PLEKHG3: variants seen among roughly 807,000 people sequenced by gnomAD.
The protein encoded by PLEKHG3 is pleckstrin homology domain-containing family G member 3.
In PLEKHG3, 62 loss-of-function variants were observed where a neutral mutation model predicts 94.9. The observed-to-expected ratio is 0.65, with a 90% CI of 0.53 to 0.81. The LOEUF is 0.81. Among genes scored for constraint, PLEKHG3 ranks in the 30% least tolerant of loss-of-function variants. The probability of loss-of-function intolerance (pLI) is 0.00; values close to 1 mark genes in which losing one functional copy is unlikely to be tolerated. For synonymous variants in PLEKHG3, 614 were observed against 654.0 expected, an observed-to-expected ratio of 0.94 and a Z score of 0.93; for missense variants, 1,461 against 1,619.3, an observed-to-expected ratio of 0.90 and a Z score of 1.68.
Position 64,715,640 on chromosome 14 carries a change from ATTG to A in PLEKHG3, c.-40+10941_-40+10943del, listed in dbSNP as rs934777429. On this transcript the variant is annotated intron_variant, in intron 1 of 16. Coordinates refer to ENST00000247226, the MANE Select transcript of PLEKHG3 (RefSeq NM_001308147.2). This position sits in a 1 kb window ranked among gnomAD's most constrained non-coding sequence, Gnocchi z 4.4. Reference sequence around the variant, plus strand: ...GGGGGAGGTGCTGCATAAACAGAGCATTGTTGTGCTGGTGAATGATCTGGCTTT... The same window carrying A: ...GGGGGAGGTGCTGCATAAACAGAGCATTGTGCTGGTGAATGATCTGGCTTT... The A allele has an allele frequency of 1.4e-4, 28 of 196,854 alleles. No homozygotes were observed. The highest frequency in any genetic ancestry group is 3.2e-5 in the Non-Finnish European group (3 of 94,000). 12.2% of individuals were successfully genotyped at this position (196,854 alleles called of 1,614,324 possible). A position where few individuals can be genotyped will look rare whatever the true frequency, so the allele number is the denominator to read the frequency against.
At chr14:64,705,969 A>G (rs8011344) in intron 1 of PLEKHG3, among the ~76,000 whole-genome samples, 4,296 of 152,264 alleles carry the variant, frequency 0.028, 195 homozygotes, top group African/African-American at 0.096. Flanking sequence ...CCTGGAAGAT[A>G]GGACAACCCA....
intron 1 of PLEKHG3, among the ~76,000 whole-genome samples, chr14:64,711,267 C>T (rs2081062343): frequency 1.3e-5 from 2 of 152,162 alleles, no homozygotes; most frequent in South Asian, 4.1e-4. Flanking sequence ...TTTTTGGATG[C>T]CCTCTCTCTA....
At chr14:64,708,442 A>T (rs761019431) in intron 1 of PLEKHG3, among the ~76,000 whole-genome samples, 2 of 152,088 alleles carry the variant, frequency 1.3e-5, no homozygotes, top group Non-Finnish European at 2.9e-5. Flanking sequence ...GGGAGGGGGC[A>T]GATGGTGGGT....
rs550151818 is a variant in PLEKHG3 at position 64,717,403 on chromosome 14, C to T, written c.-39-10190C>T. ...TAGGGAATTGCCCTGGCAGCCTTGC[C>T]TCCAAGCCACCATTCTGATGGGCTT... is the stretch of plus-strand genomic sequence containing the variant. On this transcript the variant is annotated intron_variant, in intron 1 of 16. Coordinates refer to ENST00000247226, the MANE Select transcript of PLEKHG3 (RefSeq NM_001308147.2). The surrounding 1 kb of genome is among the most constrained non-coding windows in gnomAD (Gnocchi z 4.7). Among the ~76,000 whole-genome samples the T allele has an allele frequency of 6.6e-6, 1 of 152,270 alleles. No homozygotes were observed. The highest frequency in any genetic ancestry group is 2.4e-5 in the African/African-American group (1 of 41,546).
At position 64,721,125 on chromosome 14, in the gene PLEKHG3, T is replaced by C. The variant is rs2081255552; in HGVS notation, c.-39-6468T>C. ...CATAGGTTGAGGGTCAGGCTGTAGA[T>C]ATCCTTGGGTGGGGGCATTATTCAG... On this transcript the variant is annotated intron_variant, in intron 1 of 16. Transcript: ENST00000247226. The surrounding 1 kb of genome is among the most constrained non-coding windows in gnomAD (Gnocchi z 4.3). Among the ~76,000 whole-genome samples the C allele has an allele frequency of 6.6e-6, 1 of 152,232 alleles. No individual in the cohort carries two copies. Among genetic ancestry groups the C allele is most frequent in the African/African-American group, 2.4e-5 (1 of 41,448 alleles).
chr14:64,737,477 A>G, intron 14 of PLEKHG3, 102 bp downstream of exon 14: 1 of 758,962 alleles, frequency 1.3e-6, no homozygotes, highest in South Asian at 1.9e-5. Context: ...TTCATTCAAC[A>G]AATGCCTACT....
rs933506564 is a variant in PLEKHG3, at chr14:64,721,317, C to A, written c.-39-6276C>A. Among the ~76,000 whole-genome samples the A allele has an allele frequency of 1.3e-5, 2 of 152,030 alleles. No homozygotes were observed. Among genetic ancestry groups the A allele is most frequent in the Non-Finnish European group, 2.9e-5 (2 of 67,992 alleles). ...CAGGGGGGTGTAGATGAACAGCCCTCCCTCTGAGCTAGGTGCCTGGCTTTC... is the reference window on the plus strand; with the variant it reads ...CAGGGGGGTGTAGATGAACAGCCCTACCTCTGAGCTAGGTGCCTGGCTTTC... On this transcript the variant is annotated intron_variant, in intron 1 of 16. Coordinates refer to ENST00000247226, the MANE Select transcript of PLEKHG3 (RefSeq NM_001308147.2). The surrounding 1 kb of genome is among the most constrained non-coding windows in gnomAD (Gnocchi z 4.3).
At position 64,732,283 on chromosome 14, in the gene PLEKHG3, T is replaced by C. The variant is rs1339887889; in HGVS notation, c.1212+102T>C. ...CTCACCTTCTGGATTTGGGCTCCAG[T>C]GGACAGTGAGTGTCAGTACAGCAGA... On this transcript the variant is annotated intron_variant, in intron 10 of 16. Coordinates refer to ENST00000247226, the MANE Select transcript of PLEKHG3 (RefSeq NM_001308147.2). This position sits in a 1 kb window ranked among gnomAD's most constrained non-coding sequence, Gnocchi z 4.9. The C allele has an allele frequency of 4.2e-5, 54 of 1,276,620 alleles. No individual in the cohort carries two copies. The highest frequency in any genetic ancestry group is 6.2e-5 in the Non-Finnish European group (54 of 874,882). The allele number at this position is 1,276,620 out of a possible 1,614,324, so 79.1% of individuals were successfully genotyped here. A position where few individuals can be genotyped will look rare whatever the true frequency, so the allele number is the denominator to read the frequency against.
intron 1 of PLEKHG3, among the ~76,000 whole-genome samples, chr14:64,705,062 T>C (rs2080949835): frequency 2.0e-5 from 3 of 152,208 alleles, no homozygotes; most frequent in African/African-American, 7.2e-5. Flanking sequence ...TGGCTGGAGC[T>C]GTGGGCCTGG....
At position 64,747,940 on chromosome 14, in the gene PLEKHG3, C is replaced by T. The variant is rs1371252458; in HGVS notation, c.*4237C>T. 1 of 152,106 alleles carries T rather than the reference C, an allele frequency of 6.6e-6. No individual in the cohort carries two copies. The highest frequency in any genetic ancestry group is 1.5e-5 in the Non-Finnish European group (1 of 68,100). 9.4% of individuals were successfully genotyped at this position (152,106 alleles called of 1,614,324 possible). A position where few individuals can be genotyped will look rare whatever the true frequency, so the allele number is the denominator to read the frequency against. On this transcript the variant is annotated 3_prime_UTR_variant, in exon 17 of 17. Transcript: ENST00000247226. ...GCTTTCTCTTCCTCCAGAAGTATGA[C>T]CTGAGCAGCAAGGGGAAGGCCATTC...
In PLEKHG3 at chr14:64,747,803, C is replaced by G. The variant is rs1004691976; in HGVS notation, c.*4100C>G. 1 of 136,840 alleles carries G rather than the reference C, an allele frequency of 7.3e-6. No individual in the cohort carries two copies. The highest frequency in any genetic ancestry group is 1.6e-5 in the Non-Finnish European group (1 of 62,924). 8.5% of individuals were successfully genotyped at this position (136,840 alleles called of 1,614,324 possible). ...GGGAAAATGCCTGCTGCCCTCCGCC[C>G]TCCCCCCCACCCCCGACCCGCTTGA... On this transcript the variant is annotated 3_prime_UTR_variant, in exon 17 of 17. Coordinates refer to ENST00000247226, the MANE Select transcript of PLEKHG3 (RefSeq NM_001308147.2).
chr14:64,732,570 C>T lies in PLEKHG3; in HGVS notation c.1246+110C>T, dbSNP rs1039964797. 2.3e-5 allele frequency: 19 copies of T among 833,968 alleles called. No individual in the cohort carries two copies. The highest frequency in any genetic ancestry group is 1.7e-4 in the South Asian group (12 of 71,486). 51.7% of individuals were successfully genotyped at this position (833,968 alleles called of 1,614,324 possible). ...AATTTTATTCCAGGAGCAGGGAGGG[C>T]GGGGGTCTCCTGTTAAGGGCTGGGG... On this transcript the variant is annotated intron_variant, in intron 11 of 16. Coordinates refer to ENST00000247226, the MANE Select transcript of PLEKHG3 (RefSeq NM_001308147.2). The surrounding 1 kb of genome is among the most constrained non-coding windows in gnomAD (Gnocchi z 4.9).
Position 64,738,119 on chromosome 14 carries a change from C to A in PLEKHG3, c.1405-623C>A. ...AGGAGGAGGAGGAGCAGGAGGAGAGCCTGGCGGTGGCGGAGCAGGTAGCCG... is the reference window on the plus strand; with the variant it reads ...AGGAGGAGGAGGAGCAGGAGGAGAGACTGGCGGTGGCGGAGCAGGTAGCCG... On this transcript the variant is annotated intron_variant, in intron 14 of 16. Transcript: ENST00000247226. The surrounding 1 kb of genome is among the most constrained non-coding windows in gnomAD (Gnocchi z 4.8). The A allele has an allele frequency of 6.1e-6, 8 of 1,301,980 alleles. No homozygotes were observed. Among genetic ancestry groups the A allele is most frequent in the Non-Finnish European group, 8.0e-6 (8 of 995,904 alleles). The allele number at this position is 1,301,980 out of a possible 1,614,324, so 80.7% of individuals were successfully genotyped here.
chr14:64,736,611 C>T (rs1224554840), intron 12 of PLEKHG3, among the ~76,000 whole-genome samples: 2 of 152,192 alleles, frequency 1.3e-5, no homozygotes, highest in African/African-American at 4.8e-5. Context: ...TGGTACTGCT[C>T]CGGCAGGGCT....
Position 64,715,269 on chromosome 14 carries a change from G to C in PLEKHG3, c.-40+10565G>C, listed in dbSNP as rs1186654428. On this transcript the variant is annotated intron_variant, in intron 1 of 16. Transcript: ENST00000247226. This position sits in a 1 kb window ranked among gnomAD's most constrained non-coding sequence, Gnocchi z 4.4. ...ATTCCTATGAGGTAGGGTGAGAGAT[G>C]GCCTTCTTGGCTTCGTCTCTCGGGC... Among the ~76,000 whole-genome samples the C allele has an allele frequency of 6.6e-6, 1 of 152,166 alleles. No individual in the cohort carries two copies. Among genetic ancestry groups the C allele is most frequent in the Non-Finnish European group, 1.5e-5 (1 of 68,024 alleles).
rs563633753 is a variant in PLEKHG3 at position 64,749,107 on chromosome 14, C to T, written c.*5404C>T. 4.4e-4 allele frequency: 242 copies of T among 550,434 alleles called. 3 individuals are homozygous for T. In the African/African-American group the frequency reaches 4.6e-3, roughly 11 times the overall value. 34.1% of individuals were successfully genotyped at this position (550,434 alleles called of 1,614,324 possible). A position where few individuals can be genotyped will look rare whatever the true frequency, so the allele number is the denominator to read the frequency against. On this transcript the variant is annotated 3_prime_UTR_variant, in exon 17 of 17. Coordinates refer to ENST00000247226, the MANE Select transcript of PLEKHG3 (RefSeq NM_001308147.2). This position sits in a 1 kb window ranked among gnomAD's most constrained non-coding sequence, Gnocchi z 4.7. ...CCCTGTCCCTGGAGCGGAGCCAGCG[C>T]GGGCGAGGGCATGGAGGGGGCGTCG...
intron 14 of PLEKHG3, chr14:64,737,839 A>AG (rs1198936154): frequency 8.7e-7 from 1 of 1,147,312 alleles, no homozygotes; most frequent in African/African-American, 1.6e-5. Context: ...GCTGGTCACG[A>AG]GGGGGTCTTG....
At position 64,717,666 on chromosome 14, in the gene PLEKHG3, C is replaced by A. The variant is rs1459359678; in HGVS notation, c.-39-9927C>A. On this transcript the variant is annotated intron_variant, in intron 1 of 16. Coordinates refer to ENST00000247226, the MANE Select transcript of PLEKHG3 (RefSeq NM_001308147.2). The surrounding 1 kb of genome is among the most constrained non-coding windows in gnomAD (Gnocchi z 4.7). The stretch of plus-strand genomic sequence containing the variant: ...TCATATTGGGTCTCATTTCTTCCCC[C>A]TTTGCAAGGGTTGGAATGGGTCTCA... Among the ~76,000 whole-genome samples, 1 of 152,196 alleles carries A rather than the reference C, an allele frequency of 6.6e-6. No individual in the cohort carries two copies. The highest frequency in any genetic ancestry group is 2.4e-5 in the African/African-American group (1 of 41,436).
chr14:64,733,049 C>G (rs1348530828), intron 12 of PLEKHG3, 148 bp downstream of exon 12: 1 of 590,404 alleles, frequency 1.7e-6, no homozygotes, highest in Non-Finnish European at 3.0e-6. Context: ...ACACCTGGGG[C>G]TCATCCTCTC....
Sources: allele counts gnomAD v4.1 joint callset (sites outside exome capture counted in the v4.1 genomes callset), GRCh38; gene constraint gnomAD v4.1.1; non-coding constraint Gnocchi (gnomAD v3.1); transcripts MANE v1.5; gene names NCBI Gene and HGNC (gene_info 2026-07-23, HGNC 2026-07-21).